IVD: variants seen among roughly 807,000 people sequenced by gnomAD.
IVD encodes the protein isovaleryl-CoA dehydrogenase, also known as isovaleryl-CoA dehydrogenase, mitochondrial.
In IVD, 31 loss-of-function variants were observed where a neutral mutation model predicts 51.3. The ratio of observed to expected loss-of-function variants is 0.60; its 90% CI spans 0.45 to 0.81. IVD has a LOEUF of 0.81. Among genes scored for constraint, IVD ranks in the 40% least tolerant of loss-of-function variants. IVD has a pLI of 0.00. For missense variants in IVD, 475 were observed against 552.0 expected, an observed-to-expected ratio of 0.86 and a Z score of 1.40; for synonymous variants, 205 against 219.4, an observed-to-expected ratio of 0.93 and a Z score of 0.58.
At chr15:40,421,693 C>CT (rs1208551621), downstream of IVD, among the ~76,000 whole-genome samples, 1 of 152,242 alleles carries the variant, frequency 6.6e-6, no homozygotes, top group Non-Finnish European at 1.5e-5. Flanking sequence ...CTAAAGCAGG[C>CT]TTCCCCAGGA....
At chr15:40,408,547 G>T (rs1378175811) in intron 3 of IVD, among the ~76,000 whole-genome samples, 1 of 152,158 alleles carries the variant, frequency 6.6e-6, no homozygotes, top group Non-Finnish European at 1.5e-5. Flanking sequence ...GTGGCCAGAT[G>T]ATGTGTTTAA....
intron 3 of IVD, among the ~76,000 whole-genome samples, chr15:40,409,002 A>G (rs2141311790): frequency 6.6e-6 from 1 of 152,306 alleles, no homozygotes; most frequent in Middle Eastern, 3.4e-3. Context: ...GCATGAGAGT[A>G]TGAGTGGAAC....
rs975307399 is a variant in IVD at position 40,411,695 on chromosome 15, AGTATAGGTGG to A, written c.687+7_687+16del. The A allele has an allele frequency of 9.9e-6, 16 of 1,613,964 alleles. No homozygotes were observed. Among genetic ancestry groups the A allele is most frequent in the Non-Finnish European group, 1.4e-5 (16 of 1,180,022 alleles). ...CACAGCCTTCATTGTGGAGAAGGTG[AGTATAGGTGG>A]GTGCAGGGCCAGGAGGCTTCTGCCT... On this transcript the variant is annotated splice_donor_5th_base_variant and intron_variant, in intron 6 of 11. Coordinates refer to ENST00000487418, the MANE Select transcript of IVD (RefSeq NM_002225.5).
chr15:40,424,077 TATCTCTTAA>T, downstream of IVD: 1 of 1,092,360 alleles, frequency 9.2e-7, no homozygotes, highest in Admixed American at 2.7e-5. Flanking sequence ...GCTAGCCTGG[TATCTCTTAA>T]ATACTTCCTG....
Position 40,413,104 on chromosome 15 carries a change from AT to A in IVD, c.784+18del, listed in dbSNP as rs1891256695. 3 of 1,598,200 alleles carry A rather than the reference AT, an allele frequency of 1.9e-6. No individual in the cohort carries two copies. Among genetic ancestry groups the A allele is most frequent in the South Asian group, 1.1e-5 (1 of 90,674 alleles). On this transcript the variant is annotated intron_variant, in intron 7 of 11. Coordinates refer to ENST00000487418, the MANE Select transcript of IVD (RefSeq NM_002225.5). ...AGATTCCTGGTAAGTAGCACCGGGA[AT>A]CGGGGAGCCCCTCTCCTGACCCCCT...
Position 40,413,023 on chromosome 15 carries a change from G to A in IVD, c.720G>A (p.Leu240=), listed in dbSNP as rs2141340085. 1 of 1,614,094 alleles carries A rather than the reference G, an allele frequency of 6.2e-7. No individual in the cohort carries two copies. The highest frequency in any genetic ancestry group is 1.1e-5 in the South Asian group (1 of 91,084). The part of the protein sequence containing the change: ...GMPGFSTSKK[L]DKLGMRGSNT... The stretch of plus-strand genomic sequence containing the variant: ...CTGGCTTTAGCACCTCTAAGAAGCT[G>A]GACAAGCTGGGGATGAGGGGCTCTA... Residue 240 remains leucine, a synonymous_variant, in exon 7 of 12, where the codon CTG becomes CTA. Transcript: ENST00000487418.
intron 8 of IVD, chr15:40,435,319 A>G: frequency 4.6e-6 from 4 of 871,612 alleles, no homozygotes; most frequent in Non-Finnish European, 5.5e-6. Context: ...GGGTCTCTCC[A>G]TTTCTTCCCC....
Position 40,421,151 on chromosome 15 carries a change from T to C in IVD, c.*2888T>C. The stretch of plus-strand genomic sequence containing the variant: ...AAAGGGCCATCTTGCTGGCTTAATG[T>C]GTGGCTGGAGAGACCAGCCTGGAGA... On this transcript the variant is annotated 3_prime_UTR_variant, in exon 12 of 12. Transcript: ENST00000487418. 1.0e-6 allele frequency: 1 copy of C among 985,552 alleles called. No individual in the cohort carries two copies. Among genetic ancestry groups the C allele is most frequent in the Non-Finnish European group, 1.2e-6 (1 of 829,992 alleles). The allele number at this position is 985,552 out of a possible 1,614,324, so 61.1% of individuals were successfully genotyped here.
At chr15:40,433,348 A>C (rs1247322533) in intron 7 of IVD, among the ~76,000 whole-genome samples, 1 of 152,208 alleles carries the variant, frequency 6.6e-6, no homozygotes, top group Admixed American at 6.5e-5. Context: ...ACGTATGTTG[A>C]GTGCCTGTTC....
chr15:40,405,865 C>A lies in IVD; in HGVS notation c.38C>A (p.Ala13Glu). Residue 13 changes from alanine to glutamate, a missense_variant, in exon 1 of 12, where the codon GCG becomes GAG. By Grantham distance (107) the Ala-to-Glu change is moderately radical (BLOSUM62 -1). Transcript: ENST00000487418. ...ACTCGGCTGCTGGGGTGGCGTGTGG[C>A]GAGCTGGAGGCTGCGGCCGCCGCTT... ...TATRLLGWRVASWRLRPPLAG... is the reference protein window; with the variant it reads ...TATRLLGWRVESWRLRPPLAG... 1 of 1,612,956 alleles carries A rather than the reference C, an allele frequency of 6.2e-7. No individual in the cohort carries two copies. The highest frequency in any genetic ancestry group is 2.2e-5 in the East Asian group (1 of 44,864).
chr15:40,422,497 A>C (rs1017534089), downstream of IVD, among the ~76,000 whole-genome samples: 110 of 139,832 alleles, frequency 7.9e-4, 1 homozygote, highest in Non-Finnish European at 5.3e-4. Context: ...GTTAGCCAGG[A>C]TGGTCTCGAT....
At chr15:40,415,503 G>T in intron 9 of IVD, 21 bp downstream of exon 9, 1 of 1,605,568 alleles carries the variant, frequency 6.2e-7, no homozygotes, top group South Asian at 1.1e-5. Flanking sequence ...TGCTTTTGCT[G>T]ACATGTACTC....
chr15:40,418,456 C>T lies in IVD; in HGVS notation c.*193C>T. On this transcript the variant is annotated 3_prime_UTR_variant, in exon 12 of 12. Coordinates refer to ENST00000487418, the MANE Select transcript of IVD (RefSeq NM_002225.5). The stretch of plus-strand genomic sequence containing the variant: ...ATGGGCCTCGCAGCCGGGCCTGTGC[C>T]ACGGCTAGTGTTGTGTGATTTAAAA... 1 of 1,468,970 alleles carries T rather than the reference C, an allele frequency of 6.8e-7. No individual in the cohort carries two copies. Among genetic ancestry groups the T allele is most frequent in the Admixed American group, 2.2e-5 (1 of 45,090 alleles). The allele number at this position is 1,468,970 out of a possible 1,614,324, so 91.0% of individuals were successfully genotyped here. A position where few individuals can be genotyped will look rare whatever the true frequency, so the allele number is the denominator to read the frequency against.
Position 40,418,279 on chromosome 15 carries a change from C to T in IVD, c.*16C>T. On this transcript the variant is annotated 3_prime_UTR_variant, in exon 12 of 12. Transcript: ENST00000487418. ...CTTTCACTAGTCCTGAGACCCTTCGCCCCCTTTTCCTGCACCTAGTGGCCT... is the reference window on the plus strand; with the variant it reads ...CTTTCACTAGTCCTGAGACCCTTCGTCCCCTTTTCCTGCACCTAGTGGCCT... 6.2e-7 allele frequency: 1 copy of T among 1,613,704 alleles called. No homozygotes were observed. Among genetic ancestry groups the T allele is most frequent in the Non-Finnish European group, 8.5e-7 (1 of 1,179,822 alleles).
At chr15:40,418,027 C>T in intron 11 of IVD, 103 bp from the exon 12 acceptor site, 1 of 1,506,812 alleles carries the variant, frequency 6.6e-7, no homozygotes, top group Non-Finnish European at 9.0e-7. Flanking sequence ...TTTCTTTAAT[C>T]ACCCTCTCCT....
intron 7 of IVD, among the ~76,000 whole-genome samples, chr15:40,433,241 G>A (rs1893081293): frequency 6.6e-6 from 1 of 152,024 alleles, no homozygotes; most frequent in African/African-American, 2.4e-5. Flanking sequence ...TGTGATCTTG[G>A]GCAGTTACTT....
rs553603024 is a variant in IVD, at chr15:40,411,830, A to C, written c.687+139A>C. The C allele has an allele frequency of 9.5e-6, 10 of 1,054,610 alleles. No individual in the cohort carries two copies. In the East Asian group the frequency reaches 1.3e-4, roughly 14 times the overall value. The allele number at this position is 1,054,610 out of a possible 1,614,324, so 65.3% of individuals were successfully genotyped here. ...CAGAGGTGGGGGTGAGGCAGAGAGC[A>C]GACTGCAAGGAGGGTGACCAAAAGT... is the stretch of plus-strand genomic sequence containing the variant. On this transcript the variant is annotated intron_variant, in intron 6 of 11. Coordinates refer to ENST00000487418, the MANE Select transcript of IVD (RefSeq NM_002225.5).
Position 40,419,417 on chromosome 15 carries a change from A to G in IVD, c.*1154A>G. Reference sequence around the variant, plus strand: ...TCCCAGCTACTCAGGAGGCTGAGGCAGGAGAATCACTTGAACCCGGGAGGT... The same window carrying G: ...TCCCAGCTACTCAGGAGGCTGAGGCGGGAGAATCACTTGAACCCGGGAGGT... On this transcript the variant is annotated 3_prime_UTR_variant, in exon 12 of 12. Coordinates refer to ENST00000487418, the MANE Select transcript of IVD (RefSeq NM_002225.5). The G allele has an allele frequency of 2.8e-6, 1 of 358,174 alleles. No individual in the cohort carries two copies. Among genetic ancestry groups the G allele is most frequent in the Non-Finnish European group, 5.4e-6 (1 of 185,176 alleles). 22.2% of individuals were successfully genotyped at this position (358,174 alleles called of 1,614,324 possible).
intron 1 of IVD, 178 bp downstream of exon 1, chr15:40,406,149 C>T: frequency 6.5e-7 from 1 of 1,540,002 alleles, no homozygotes; most frequent in East Asian, 2.5e-5. Context: ...GGGTCCAGTC[C>T]TCTGACCTCG....
Sources: allele counts gnomAD v4.1 joint callset (sites outside exome capture counted in the v4.1 genomes callset), GRCh38; gene constraint gnomAD v4.1.1; transcripts MANE v1.5; gene names NCBI Gene and HGNC (gene_info 2026-07-23, HGNC 2026-07-21).